AFF3: variants seen among roughly 807,000 people sequenced by gnomAD.
AFF3 encodes AF4/FMR2 family member 3.
In AFF3, 32 loss-of-function variants were observed where a neutral mutation model predicts 129.7. The ratio of observed to expected loss-of-function variants is 0.25; its 90% CI spans 0.19 to 0.33. The LOEUF (loss-of-function observed/expected upper bound fraction) is 0.33. Ranked by LOEUF, AFF3 falls within the 10% of genes least tolerant of loss-of-function variation. The pLI is 1.00. For synonymous variants in AFF3, 644 were observed against 635.4 expected (o/e 1.01, Z -0.20); for missense variants, 1,373 against 1,592.0 (o/e 0.86, Z 2.34).
At chr2:99,586,330 C>G (rs1043888569) in intron 16 of AFF3, among the ~76,000 whole-genome samples, 2 of 152,182 alleles carry the variant, frequency 1.3e-5, no homozygotes, top group African/African-American at 2.4e-5. Flanking sequence ...GTGATTCCGG[C>G]GCTGCAGTGT....
rs144713000 is a variant in AFF3, at chr2:99,556,346, G to A, written c.3286-1614C>T. ...TGTAATCCCAACTACTTGGGAGGCT[G>A]AGACAGAATCGCTTGAACCTGGGAG... On this transcript the variant is annotated intron_variant, in intron 22 of 24. Transcript: ENST00000672756. 1.2e-3 allele frequency among the ~76,000 whole-genome samples: 178 copies of A among 152,292 alleles called. 3 individuals carry two copies. The highest frequency in any genetic ancestry group is 3.6e-3 in the African/African-American group (148 of 41,572).
rs28623614 is a variant in AFF3 at position 99,958,598 on chromosome 2, G to C, written c.873+48034C>G. Among the ~76,000 whole-genome samples, 733 of 152,120 alleles carry C rather than the reference G, an allele frequency of 4.8e-3. 4 individuals are homozygous for C. Among genetic ancestry groups the C allele is most frequent in the African/African-American group, 0.017 (702 of 41,518 alleles). Reference sequence around the variant, plus strand: ...CACCGTGATGGGAAATGTAGATAACGATAAGAAACAGCTTCTGTCCTTAGG... The same window carrying C: ...CACCGTGATGGGAAATGTAGATAACCATAAGAAACAGCTTCTGTCCTTAGG... On this transcript the variant is annotated intron_variant, in intron 7 of 24. Coordinates refer to ENST00000672756, the MANE Select transcript of AFF3 (RefSeq NM_001386135.1).
intron 5 of AFF3, among the ~76,000 whole-genome samples, 176 bp downstream of exon 5, chr2:100,008,636 C>T (rs1682203292): frequency 6.6e-6 from 1 of 152,212 alleles, no homozygotes; most frequent in Admixed American, 6.5e-5. Context: ...ATGTGAACCA[C>T]ACACCTCAAT....
At chr2:99,970,395 A>G (rs939877892) in intron 7 of AFF3, among the ~76,000 whole-genome samples, 1 of 152,040 alleles carries the variant, frequency 6.6e-6, no homozygotes, top group Middle Eastern at 3.4e-3. Context: ...TCTAGAAAAC[A>G]TCTCCCTCCC....
intron 7 of AFF3, among the ~76,000 whole-genome samples, chr2:99,937,177 C>T (rs746021676): frequency 2.6e-5 from 4 of 151,978 alleles, no homozygotes; most frequent in Non-Finnish European, 5.9e-5. Context: ...CAAAATGTTC[C>T]AATGAGAAGT....
At chr2:100,099,268 G>A (rs967853585) in intron 4 of AFF3, among the ~76,000 whole-genome samples, 1 of 151,910 alleles carries the variant, frequency 6.6e-6, no homozygotes, top group Non-Finnish European at 1.5e-5. Flanking sequence ...AGAGGCACCT[G>A]AAGGTCAAGA....
intron 11 of AFF3, among the ~76,000 whole-genome samples, chr2:99,690,771 G>C (rs1401685022): frequency 2.8e-5 from 4 of 145,406 alleles, no homozygotes; most frequent in Admixed American, 6.9e-5. Flanking sequence ...CTAACCCAAG[G>C]TAAGAATTTT....
In AFF3 at chr2:99,947,551, AAGAG is replaced by A. The variant is rs765193456; in HGVS notation, c.873+59077_873+59080del. Among the ~76,000 whole-genome samples the A allele has an allele frequency of 5.1e-4, 71 of 138,832 alleles. 1 individual carries two copies. The highest frequency in any genetic ancestry group is 6.4e-4 in the Non-Finnish European group (41 of 64,268). The allele number at this position is 138,832 out of a possible 152,430, so 91.1% of individuals were successfully genotyped here. ...AGAAAGAAAGAAAAAGAGAGAAAGAAAGAGAGAGAAAGAGAAAGAAAGAAAAGAA... is the reference window on the plus strand; with the variant it reads ...AGAAAGAAAGAAAAAGAGAGAAAGAAAGAGAAAGAGAAAGAAAGAAAAGAA... On this transcript the variant is annotated intron_variant, in intron 7 of 24. Coordinates refer to ENST00000672756, the MANE Select transcript of AFF3 (RefSeq NM_001386135.1).
In AFF3 at chr2:99,561,826, C is replaced by T. The variant is rs1176886187; in HGVS notation, c.3120-1390G>A. Among the ~76,000 whole-genome samples, 7 of 152,162 alleles carry T rather than the reference C, an allele frequency of 4.6e-5. No individual in the cohort carries two copies. In the East Asian group the frequency reaches 1.3e-3, roughly 29 times the overall value. Reference sequence around the variant, plus strand: ...TGTCATTTTATTTCTGTTTGAGAAACTTCTTTTAGCCAGTCTTTAAGGGTG... The same window carrying T: ...TGTCATTTTATTTCTGTTTGAGAAATTTCTTTTAGCCAGTCTTTAAGGGTG... On this transcript the variant is annotated intron_variant, in intron 20 of 24. Coordinates refer to ENST00000672756, the MANE Select transcript of AFF3 (RefSeq NM_001386135.1).
intron 12 of AFF3, among the ~76,000 whole-genome samples, chr2:99,652,521 T>G (rs1409380703): frequency 6.6e-6 from 1 of 151,926 alleles, no homozygotes; most frequent in African/African-American, 2.4e-5. Flanking sequence ...GTAGGGAACA[T>G]GAGCTCCAGG....
At chr2:99,605,461 C>T (rs1018827582) in intron 13 of AFF3, among the ~76,000 whole-genome samples, 2 of 152,206 alleles carry the variant, frequency 1.3e-5, no homozygotes, top group Admixed American at 6.5e-5. Context: ...ACTCTCCCCA[C>T]TTCCACAAAG....
At chr2:99,765,821 G>A (rs368404244) in intron 8 of AFF3, among the ~76,000 whole-genome samples, 13 of 152,156 alleles carry the variant, frequency 8.5e-5, no homozygotes, top group African/African-American at 3.1e-4. Flanking sequence ...TCAAACAGAA[G>A]GCTTAATAAA....
intron 11 of AFF3, among the ~76,000 whole-genome samples, chr2:99,717,026 C>CT (rs1678465298): frequency 1.3e-5 from 2 of 152,148 alleles, no homozygotes; most frequent in Non-Finnish European, 2.9e-5. Flanking sequence ...TGGCTTCTTT[C>CT]ATTTAACATA....
chr2:99,735,829 T>C (rs531127485), intron 10 of AFF3, among the ~76,000 whole-genome samples: 17 of 152,338 alleles, frequency 1.1e-4, no homozygotes, highest in African/African-American at 3.6e-4. Flanking sequence ...GCTGCAACTT[T>C]CCCTCTAATT....
intron 2 of AFF3, among the ~76,000 whole-genome samples, chr2:100,127,812 C>T (rs189189672): frequency 6.6e-6 from 1 of 152,136 alleles, no homozygotes; most frequent in Non-Finnish European, 1.5e-5. Context: ...GGCGTGTGAA[C>T]CAGAGCAACT....
At chr2:99,841,745 C>T (rs1338362164) in intron 7 of AFF3, among the ~76,000 whole-genome samples, 1 of 152,156 alleles carries the variant, frequency 6.6e-6, no homozygotes, top group Non-Finnish European at 1.5e-5. Flanking sequence ...AAGTGAAGGG[C>T]TCTGTCCAAA....
intron 8 of AFF3, among the ~76,000 whole-genome samples, chr2:99,795,956 TTG>T (rs1308328969): frequency 1.3e-5 from 2 of 152,054 alleles, no homozygotes; most frequent in African/African-American, 4.8e-5. Context: ...GAAACAATAT[TTG>T]TGAAAAATTG....
intron 1 of AFF3, among the ~76,000 whole-genome samples, chr2:100,134,949 G>C (rs565283996): frequency 6.5e-4 from 99 of 152,182 alleles, no homozygotes; most frequent in Non-Finnish European, 1.0e-3. Context: ...GGTGGTCAGG[G>C]AAGCTCTCTC....
chr2:99,861,322 T>C (rs1422220724), intron 7 of AFF3, among the ~76,000 whole-genome samples: 1 of 152,170 alleles, frequency 6.6e-6, no homozygotes, highest in Non-Finnish European at 1.5e-5. Flanking sequence ...AGGCTCTTTC[T>C]ATGGTAATAC....
Sources: allele counts gnomAD v4.1 joint callset (sites outside exome capture counted in the v4.1 genomes callset), GRCh38; gene constraint gnomAD v4.1.1; transcripts MANE v1.5; gene names NCBI Gene and HGNC (gene_info 2026-07-23, HGNC 2026-07-21).